Variants in ANK3 observed in about 807,000 individuals in gnomAD.
ANK3 encodes ankyrin-3.
ANK3 carries 57 observed loss-of-function variants against 370.9 expected under a neutral mutation model. That is an observed-to-expected ratio of 0.15 (90% confidence interval 0.12 to 0.19). ANK3 has a LOEUF of 0.19. ANK3 is among the 10% of genes least tolerant of loss of function. The pLI is 1.00. For missense variants in ANK3, 4,439 were observed against 5,302.1 expected (o/e 0.84, Z 5.06); for synonymous variants, 1,929 against 1,946.3 (o/e 0.99, Z 0.23).
At chr10:60,663,380 A>C (rs921123848) in intron 1 of ANK3, among the ~76,000 whole-genome samples, 13 of 152,186 alleles carry the variant, frequency 8.5e-5, no homozygotes, top group African/African-American at 3.1e-4. Context: ...TTTCCACCCA[A>C]GCAGCTCTAC....
Position 60,340,776 on chromosome 10 carries a change from G to A in ANK3, c.114+48649C>T, listed in dbSNP as rs552377642. On this transcript the variant is annotated intron_variant, in intron 1 of 43. Transcript: ENST00000280772. ...ATACTATAGAGGCAGTAGTACAAACGGTGGCAACGCTGAGCAGCCAGCATC... is the reference window on the plus strand; with the variant it reads ...ATACTATAGAGGCAGTAGTACAAACAGTGGCAACGCTGAGCAGCCAGCATC... Among the ~76,000 whole-genome samples, 7 of 152,186 alleles carry A rather than the reference G, an allele frequency of 4.6e-5. No homozygotes were observed. The South Asian group carries it at 8.3e-4, about 18-fold the overall frequency.
At chr10:60,532,683 T>G (rs960461666) in intron 2 of ANK3, among the ~76,000 whole-genome samples, 1 of 152,086 alleles carries the variant, frequency 6.6e-6, no homozygotes, top group African/African-American at 2.4e-5. Flanking sequence ...ATCTCTTGGT[T>G]CCAGAGCTTT....
intron 2 of ANK3, among the ~76,000 whole-genome samples, chr10:60,462,369 G>A (rs1328636228): frequency 6.6e-6 from 1 of 151,970 alleles, no homozygotes; most frequent in Non-Finnish European, 1.5e-5. Context: ...AGTTTTCTTT[G>A]ATAACCCTGA....
At chr10:60,228,742 C>T (rs1372425117) in intron 8 of ANK3, among the ~76,000 whole-genome samples, 1 of 151,604 alleles carries the variant, frequency 6.6e-6, no homozygotes, top group African/African-American at 2.4e-5. Flanking sequence ...TGATGTAGAG[C>T]TATTTAAAAA....
chr10:60,175,769 G>A (rs1444128496), intron 18 of ANK3, among the ~76,000 whole-genome samples: 2 of 152,210 alleles, frequency 1.3e-5, no homozygotes, highest in East Asian at 3.9e-4. Flanking sequence ...GAGGCAGACT[G>A]GGTTTGGGAC....
chr10:60,108,688 G>A (rs992762579), intron 27 of ANK3, 142 bp downstream of exon 27: 12 of 692,734 alleles, frequency 1.7e-5, no homozygotes, highest in African/African-American at 1.6e-4. Flanking sequence ...ACACAGCTTT[G>A]TGACCTTTGA....
intron 1 of ANK3, among the ~76,000 whole-genome samples, chr10:60,727,993 C>T (rs960188767): frequency 1.3e-5 from 2 of 152,070 alleles, no homozygotes; most frequent in African/African-American, 2.4e-5. Flanking sequence ...TCTCACTGTA[C>T]GTAAGTGGTG....
intron 1 of ANK3, among the ~76,000 whole-genome samples, chr10:60,682,519 G>C (rs74155686): frequency 6.6e-6 from 1 of 152,070 alleles, no homozygotes; most frequent in African/African-American, 2.4e-5. Context: ...GTGTTAGGCC[G>C]CAGGCACAGG....
intron 8 of ANK3, among the ~76,000 whole-genome samples, chr10:60,230,839 A>C (rs1473472107): frequency 6.6e-6 from 1 of 150,724 alleles, no homozygotes; most frequent in African/African-American, 2.4e-5. Context: ...CAGTGAGCCG[A>C]GATTGCGCCA....
At position 60,173,209 on chromosome 10, in the gene ANK3, AAAG is replaced by A; in HGVS notation, c.2185-26_2185-24del. The A allele has an allele frequency of 6.4e-6, 10 of 1,558,420 alleles. No individual in the cohort carries two copies. The East Asian group carries it at 9.1e-5, about 14-fold the overall frequency. ...CATCTGTAATTATTATTTTTTTAAAAAAGAAGCATCATAATTACACTTTTACTA... is the reference window on the plus strand; with the variant it reads ...CATCTGTAATTATTATTTTTTTAAAAAAGCATCATAATTACACTTTTACTA... On this transcript the variant is annotated intron_variant, in intron 18 of 43. Transcript: ENST00000280772.
At chr10:60,141,144 A>G (rs1021641208) in intron 23 of ANK3, 2 of 447,692 alleles carry the variant, frequency 4.5e-6, no homozygotes. Context: ...AGTGATTCCC[A>G]TAACTCTCCA....
rs1044648401 is a variant in ANK3, at chr10:60,455,525, T to C, written c.96+159661A>G. ...GCAGTTTTCAACAGTTTATAATTGG[T>C]CACCTTAAAACTATTATATGTTCAT... On this transcript the variant is annotated intron_variant, in intron 2 of 43. Coordinates refer to the ANK3 transcript ENST00000373827. 3.9e-5 allele frequency among the ~76,000 whole-genome samples: 6 copies of C among 152,310 alleles called. No individual in the cohort carries two copies. In the South Asian group the frequency reaches 1.2e-3, roughly 32 times the overall value.
chr10:60,696,248 T>A lies in ANK3; in HGVS notation c.57+37015A>T, dbSNP rs1021267536. Among the ~76,000 whole-genome samples, 2 of 149,990 alleles carry A rather than the reference T, an allele frequency of 1.3e-5. 1 individual carries two copies. Among genetic ancestry groups the A allele is most frequent in the Non-Finnish European group, 3.0e-5 (2 of 67,558 alleles). Reference sequence around the variant, plus strand: ...AGACCAATAACGGGCTCTGAAATTGTGGCAATAATCAATAGCTTACCAACC... The same window carrying A: ...AGACCAATAACGGGCTCTGAAATTGAGGCAATAATCAATAGCTTACCAACC... On this transcript the variant is annotated intron_variant, in intron 1 of 43. Transcript: ENST00000373827.
intron 2 of ANK3, among the ~76,000 whole-genome samples, chr10:60,435,268 CCTA>C (rs1567038789): frequency 6.6e-6 from 1 of 152,096 alleles, no homozygotes; most frequent in African/African-American, 2.4e-5. Context: ...AAAGTTGTTT[CCTA>C]CTAATTTGAT....
At chr10:60,082,915 A>G (rs558479926) in intron 33 of ANK3, among the ~76,000 whole-genome samples, 178 bp from the exon 34 acceptor site, 1 of 152,344 alleles carries the variant, frequency 6.6e-6, no homozygotes, top group East Asian at 1.9e-4. Context: ...ACTCAGCAAG[A>G]GTTAGATGCC....
At chr10:60,606,799 T>C (rs373428846) in intron 2 of ANK3, among the ~76,000 whole-genome samples, 3 of 152,318 alleles carry the variant, frequency 2.0e-5, no homozygotes, top group South Asian at 2.1e-4. Context: ...ATTACTCATT[T>C]CAGCTTCCTG....
chr10:60,278,947 T>C lies in ANK3; in HGVS notation c.316-75A>G, dbSNP rs1445637119. ...CCTGTTCTCCCCAAAGAGAACAAAT[T>C]TGACAAATATCTTATGAGATATGTG... On this transcript the variant is annotated intron_variant, in intron 3 of 43. Transcript: ENST00000280772. 1.9e-6 allele frequency: 3 copies of C among 1,568,578 alleles called. No individual in the cohort carries two copies. The South Asian group carries it at 3.3e-5, about 17-fold the overall frequency.
intron 1 of ANK3, among the ~76,000 whole-genome samples, chr10:60,334,963 T>G (rs1348921011): frequency 6.6e-6 from 1 of 152,130 alleles, no homozygotes; most frequent in African/African-American, 2.4e-5. Context: ...TTTGAAACAC[T>G]GTACTGGCTT....
intron 2 of ANK3, among the ~76,000 whole-genome samples, chr10:60,402,828 T>C (rs1387702460): frequency 6.6e-6 from 1 of 152,106 alleles, no homozygotes; most frequent in African/African-American, 2.4e-5. Context: ...AAAGACGCTA[T>C]TTGTGGGAAC....
Sources: gnomAD v4.1 joint callset for allele counts (sites outside exome capture counted in the v4.1 genomes callset) on GRCh38, gnomAD v4.1.1 for gene constraint, MANE v1.5 for transcripts, NCBI Gene and HGNC (gene_info 2026-07-23, HGNC 2026-07-21) for gene names.